NUDT3: variants seen among roughly 807,000 people sequenced by gnomAD.
NUDT3 encodes diphosphoinositol polyphosphate phosphohydrolase 1.
In NUDT3, 9 loss-of-function variants were observed where a neutral mutation model predicts 23.6. The observed-to-expected ratio is 0.38, with a 90% CI of 0.23 to 0.66. The LOEUF is 0.66. NUDT3 is among the 30% of genes least tolerant of loss of function. NUDT3 has a pLI of 0.52. For missense variants in NUDT3, 172 were observed against 218.5 expected (o/e 0.79, Z 1.34); for synonymous variants, 86 against 82.6 (o/e 1.04, Z -0.22).
Position 34,365,780 on chromosome 6 carries a change from G to T in NUDT3, c.100-23808C>A, listed in dbSNP as rs141936328. Among the ~76,000 whole-genome samples, 130 of 151,988 alleles carry T rather than the reference G, an allele frequency of 8.6e-4. No individual in the cohort carries two copies. In the East Asian group the frequency reaches 0.011, roughly 12 times the overall value. ...AATACAGGCCGGGTACGGGGCTCAC[G>T]CCTGTATTCCCAGCACTTTGGGAGG... On this transcript the variant is annotated intron_variant, in intron 1 of 4. Coordinates refer to ENST00000607016, the MANE Select transcript of NUDT3 (RefSeq NM_006703.4).
At chr6:34,314,314 A>T (rs924010351) in intron 2 of NUDT3, among the ~76,000 whole-genome samples, 1 of 151,664 alleles carries the variant, frequency 6.6e-6, no homozygotes, top group African/African-American at 2.4e-5. Context: ...GCACTTTGGA[A>T]GGCCGAGGTG....
At chr6:34,354,143 C>T (rs1186362555) in intron 1 of NUDT3, among the ~76,000 whole-genome samples, 4 of 151,766 alleles carry the variant, frequency 2.6e-5, no homozygotes, top group Non-Finnish European at 5.9e-5. Flanking sequence ...GTCTCAAACT[C>T]CTGACCTCAG....
chr6:34,349,630 G>A (rs1764436153), intron 1 of NUDT3, among the ~76,000 whole-genome samples: 1 of 150,474 alleles, frequency 6.6e-6, no homozygotes, highest in Non-Finnish European at 1.5e-5. Context: ...GGGGAACATG[G>A]GCATTTGCAA....
At chr6:34,323,410 T>C (rs1287274577) in intron 2 of NUDT3, among the ~76,000 whole-genome samples, 1 of 151,870 alleles carries the variant, frequency 6.6e-6, no homozygotes, top group South Asian at 2.1e-4. Context: ...CTACAAAAAA[T>C]ACAAAAATTA....
At position 34,287,463 on chromosome 6, in the gene NUDT3, A is replaced by G. The variant is rs138746124; in HGVS notation, c.*1290T>C. The G allele has an allele frequency of 1.5e-3, 224 of 152,358 alleles. 3 individuals carry two copies. Among genetic ancestry groups the G allele is most frequent in the African/African-American group, 5.3e-3 (219 of 41,586 alleles). 9.4% of individuals were successfully genotyped at this position (152,358 alleles called of 1,614,324 possible). A position where few individuals can be genotyped will look rare whatever the true frequency, so the allele number is the denominator to read the frequency against. On this transcript the variant is annotated 3_prime_UTR_variant, in exon 5 of 5. Coordinates refer to ENST00000607016, the MANE Select transcript of NUDT3 (RefSeq NM_006703.4). ...GCCAGTGTATTATGTAACCACTGTA[A>G]TAAGTGATTACGTGGCCTCCCATAT...
At chr6:34,312,103 T>C (rs372601469) in intron 2 of NUDT3, among the ~76,000 whole-genome samples, 2 of 152,140 alleles carry the variant, frequency 1.3e-5, no homozygotes, top group South Asian at 4.1e-4. Context: ...AAACACCTAT[T>C]AGGATAGCTA....
intron 1 of NUDT3, among the ~76,000 whole-genome samples, chr6:34,369,502 T>C (rs1284056232): frequency 2.0e-5 from 3 of 152,200 alleles, no homozygotes; most frequent in Non-Finnish European, 4.4e-5. Flanking sequence ...AGGAGACGGC[T>C]GCTCTGATGA....
At chr6:34,314,112 T>C (rs188266451) in intron 2 of NUDT3, among the ~76,000 whole-genome samples, 1 of 146,084 alleles carries the variant, frequency 6.8e-6, no homozygotes, top group East Asian at 2.1e-4. Flanking sequence ...AAAAAAAAAT[T>C]CTGAGCATAA....
At chr6:34,313,673 A>G (rs934341111) in intron 2 of NUDT3, among the ~76,000 whole-genome samples, 11 of 152,058 alleles carry the variant, frequency 7.2e-5, no homozygotes, top group African/African-American at 2.4e-4. Flanking sequence ...TAAAAAAAAA[A>G]AAGTTAAGGC....
At chr6:34,323,641 A>C (rs1419592419) in intron 2 of NUDT3, among the ~76,000 whole-genome samples, 1 of 152,214 alleles carries the variant, frequency 6.6e-6, no homozygotes, top group Non-Finnish European at 1.5e-5. Flanking sequence ...AAAAGAGAAA[A>C]GGAAAAGAAA....
intron 2 of NUDT3, among the ~76,000 whole-genome samples, chr6:34,340,951 T>G (rs1055855628): frequency 6.6e-6 from 1 of 152,186 alleles, no homozygotes; most frequent in Non-Finnish European, 1.5e-5. Context: ...CTAAGAGCAC[T>G]TCATCAAAAG....
chr6:34,346,055 C>T (rs139986570), intron 1 of NUDT3, among the ~76,000 whole-genome samples: 144 of 152,250 alleles, frequency 9.5e-4, no homozygotes, highest in African/African-American at 3.3e-3. Flanking sequence ...AGGTGTGAGC[C>T]ACCGCGCCCG....
At chr6:34,385,127 T>C (rs747436712) in intron 1 of NUDT3, among the ~76,000 whole-genome samples, 4 of 151,786 alleles carry the variant, frequency 2.6e-5, no homozygotes, top group Non-Finnish European at 4.4e-5. Flanking sequence ...ATATTACTAA[T>C]TATATATTAT....
intron 1 of NUDT3, among the ~76,000 whole-genome samples, chr6:34,349,543 G>A (rs1010925441): frequency 7.3e-5 from 11 of 150,568 alleles, no homozygotes; most frequent in African/African-American, 2.7e-4. Flanking sequence ...ATGTGGGACT[G>A]GAGTTAAGAG....
chr6:34,321,299 G>A (rs1007173607), intron 2 of NUDT3, among the ~76,000 whole-genome samples: 3 of 151,954 alleles, frequency 2.0e-5, no homozygotes, highest in Non-Finnish European at 4.4e-5. Context: ...CTAGCTGGGC[G>A]TGGTGGTGCG....
intron 2 of NUDT3, among the ~76,000 whole-genome samples, chr6:34,330,681 G>C (rs1327635200): frequency 1.3e-5 from 2 of 151,968 alleles, no homozygotes; most frequent in Non-Finnish European, 2.9e-5. Context: ...CTTACTTGTA[G>C]TCCCAGCTAC....
In NUDT3 at chr6:34,282,819, A is replaced by C. The variant is rs1010778911; in HGVS notation, c.*5934T>G. The C allele has an allele frequency of 6.6e-6, 1 of 152,194 alleles. No individual in the cohort carries two copies. The highest frequency in any genetic ancestry group is 2.4e-5 in the African/African-American group (1 of 41,456). The allele number at this position is 152,194 out of a possible 1,614,324, so 9.4% of individuals were successfully genotyped here. A position where few individuals can be genotyped will look rare whatever the true frequency, so the allele number is the denominator to read the frequency against. On this transcript the variant is annotated 3_prime_UTR_variant, in exon 5 of 5. Transcript: ENST00000607016. ...TTTTTTTGTGTGCTTCCTGATAGGA[A>C]GTCAAATAAGTTTTAGTATTAAGAA...
intron 1 of NUDT3, among the ~76,000 whole-genome samples, chr6:34,379,793 T>C (rs1764982850): frequency 2.0e-5 from 3 of 151,700 alleles, no homozygotes; most frequent in South Asian, 2.1e-4. Flanking sequence ...GGTGGGCAGA[T>C]CCCTTGAGGT....
chr6:34,300,636 G>C (rs958075684), intron 2 of NUDT3, among the ~76,000 whole-genome samples: 2 of 152,174 alleles, frequency 1.3e-5, no homozygotes, highest in Admixed American at 6.5e-5. Context: ...TGATCATAAG[G>C]GGAAGGCCAA....
Sources: gnomAD v4.1 joint callset for allele counts (sites outside exome capture counted in the v4.1 genomes callset) on GRCh38, gnomAD v4.1.1 for gene constraint, MANE v1.5 for transcripts, NCBI Gene and HGNC (gene_info 2026-07-23, HGNC 2026-07-21) for gene names.